The following EIF4E variants were observed in gnomAD, a reference collection of about 807,000 sequenced individuals.
EIF4E encodes eIF-4F 25 kDa subunit.
For synonymous variants in EIF4E, 71 were observed against 88.5 expected, an observed-to-expected ratio of 0.80 and a Z score of 1.11; for missense variants, 113 against 265.6, an observed-to-expected ratio of 0.43 and a Z score of 3.99.
At chr4:98,886,679 G>A (rs546827545) in intron 5 of EIF4E, 57 of 338,284 alleles carry the variant, frequency 1.7e-4, no homozygotes, top group Non-Finnish European at 3.1e-4. Flanking sequence ...ATAAATATCC[G>A]CACTCCAGCC....
chr4:98,927,858 G>C (rs913113531), intron 1 of EIF4E, among the ~76,000 whole-genome samples: 4 of 151,978 alleles, frequency 2.6e-5, no homozygotes, highest in African/African-American at 9.7e-5. Context: ...ACTTAGCTGT[G>C]TCGTTTCTAA....
intron 5 of EIF4E, among the ~76,000 whole-genome samples, chr4:98,885,618 ATTTTTGTAT>A (rs1385766549): frequency 6.6e-6 from 1 of 151,958 alleles, no homozygotes; most frequent in Non-Finnish European, 1.5e-5. Context: ...TACCCAGTTA[ATTTTTGTAT>A]TTTTTGTAGA....
intron 1 of EIF4E, chr4:98,909,420 A>C (rs1725011976): frequency 4.4e-6 from 2 of 456,718 alleles, no homozygotes; most frequent in Non-Finnish European, 7.7e-6. Flanking sequence ...AGAAATGTAC[A>C]CAATCACATA....
chr4:98,921,467 G>C (rs568199743), intron 1 of EIF4E, among the ~76,000 whole-genome samples: 1 of 151,632 alleles, frequency 6.6e-6, no homozygotes, highest in Non-Finnish European at 1.5e-5. Context: ...CTCCCAGGTT[G>C]AAGCAATTCT....
At chr4:98,927,384 T>C (rs1725917401) in intron 1 of EIF4E, among the ~76,000 whole-genome samples, 1 of 152,112 alleles carries the variant, frequency 6.6e-6, no homozygotes, top group African/African-American at 2.4e-5. Flanking sequence ...TGCCGGGTGC[T>C]GTGGCTCACG....
chr4:98,919,771 C>A (rs1725567486), intron 1 of EIF4E, among the ~76,000 whole-genome samples: 1 of 151,960 alleles, frequency 6.6e-6, no homozygotes, highest in Non-Finnish European at 1.5e-5. Context: ...GTTGGCCAGG[C>A]TGGTCTCCAA....
intron 1 of EIF4E, 46 bp downstream of exon 1, chr4:98,929,049 C>T: frequency 3.8e-6 from 6 of 1,574,064 alleles, no homozygotes; most frequent in South Asian, 2.3e-5. Flanking sequence ...AGAAGGAAGA[C>T]GGAGCGCGGG....
intron 2 of EIF4E, among the ~76,000 whole-genome samples, chr4:98,899,737 A>G (rs1470829631): frequency 6.6e-6 from 1 of 152,184 alleles, no homozygotes; most frequent in East Asian, 1.9e-4. Flanking sequence ...ATACAAACAG[A>G]AAAGTCAACT....
chr4:98,909,637 T>C (rs1317232393), intron 1 of EIF4E: 1 of 710,400 alleles, frequency 1.4e-6, no homozygotes, highest in Non-Finnish European at 2.6e-6. Flanking sequence ...AAGAACAGTA[T>C]ATGCAGCTTC....
intron 1 of EIF4E, among the ~76,000 whole-genome samples, chr4:98,920,890 A>AAGG (rs1173265111): frequency 7.2e-5 from 11 of 152,176 alleles, no homozygotes; most frequent in African/African-American, 2.7e-4. Flanking sequence ...TATCAACCCT[A>AAGG]ACATACAAGT....
intron 1 of EIF4E, chr4:98,909,465 A>G (rs1433768000): frequency 1.8e-6 from 1 of 553,416 alleles, no homozygotes; most frequent in African/African-American, 2.0e-5. Context: ...AACACACAGC[A>G]GTGGTCAAAA....
At chr4:98,885,142 AG>A (rs1723859886) in intron 5 of EIF4E, 81 bp from the exon 6 acceptor site, 1 of 1,484,546 alleles carries the variant, frequency 6.7e-7, no homozygotes, top group Admixed American at 2.1e-5. Flanking sequence ...GTATTTGCAT[AG>A]AAACTAAAGG....
At chr4:98,919,044 C>T (rs1725530169) in intron 1 of EIF4E, among the ~76,000 whole-genome samples, 2 of 152,128 alleles carry the variant, frequency 1.3e-5, no homozygotes, top group South Asian at 4.1e-4. Context: ...TGTGGTGGCT[C>T]ATGCCTGTAA....
chr4:98,899,247 G>A (rs1017454925), intron 2 of EIF4E, among the ~76,000 whole-genome samples: 16 of 152,074 alleles, frequency 1.1e-4, no homozygotes, highest in African/African-American at 3.9e-4. Flanking sequence ...GGAAAAAAAA[G>A]ATAATCCAAA....
At chr4:98,925,801 G>GA (rs1725840012) in intron 1 of EIF4E, among the ~76,000 whole-genome samples, 1 of 152,152 alleles carries the variant, frequency 6.6e-6, no homozygotes, top group Non-Finnish European at 1.5e-5. Flanking sequence ...GCTGAAGTAA[G>GA]AAAAAACATG....
intron 2 of EIF4E, among the ~76,000 whole-genome samples, chr4:98,893,414 T>A (rs1172248653): frequency 6.6e-6 from 1 of 152,262 alleles, no homozygotes; most frequent in East Asian, 1.9e-4. Flanking sequence ...CATAGTAGAA[T>A]TTCTTTCAAA....
At chr4:98,899,268 T>C (rs1724549302) in intron 2 of EIF4E, among the ~76,000 whole-genome samples, 1 of 152,090 alleles carries the variant, frequency 6.6e-6, no homozygotes, top group East Asian at 1.9e-4. Context: ...AGAAAAAAAA[T>C]AGAAGAACTG....
chr4:98,884,909 G>C lies in EIF4E; in HGVS notation c.539+13C>G, dbSNP rs1560633357. On this transcript the variant is annotated intron_variant, in intron 6 of 6. Coordinates refer to ENST00000450253, the MANE Select transcript of EIF4E (RefSeq NM_001968.5). ...TAATACTGTAAAATAAGTAGGCAAAGAGCAAAACTTACCCTATATGTGTAA... is the reference window on the plus strand; with the variant it reads ...TAATACTGTAAAATAAGTAGGCAAACAGCAAAACTTACCCTATATGTGTAA... 1 of 1,611,696 alleles carries C rather than the reference G, an allele frequency of 6.2e-7. No individual in the cohort carries two copies. The highest frequency in any genetic ancestry group is 2.2e-5 in the East Asian group (1 of 44,770).
At chr4:98,922,611 C>T (rs984212925) in intron 1 of EIF4E, among the ~76,000 whole-genome samples, 1 of 150,900 alleles carries the variant, frequency 6.6e-6, no homozygotes, top group African/African-American at 2.4e-5. Flanking sequence ...CAGTGTGGTA[C>T]TTAACATAGA....
Sources: allele counts gnomAD v4.1 joint callset (sites outside exome capture counted in the v4.1 genomes callset), GRCh38; gene constraint gnomAD v4.1.1; transcripts MANE v1.5; gene names NCBI Gene and HGNC (gene_info 2026-07-23, HGNC 2026-07-21).